The following KIAA0930 variants were observed in gnomAD, a reference collection of about 807,000 sequenced individuals.
The protein encoded by KIAA0930 is KIAA0930.
In KIAA0930, 24 loss-of-function variants were observed where a neutral mutation model predicts 43.9. The observed-to-expected ratio is 0.55, with a 90% CI of 0.40 to 0.77. The LOEUF is 0.77. KIAA0930 is among the 30% of genes least tolerant of loss of function. The pLI, the probability that KIAA0930 is intolerant of heterozygous loss-of-function variation, is 0.00. For missense variants in KIAA0930, 461 were observed against 574.2 expected (o/e 0.80, Z 2.02); for synonymous variants, 259 against 216.4 (o/e 1.20, Z -1.73).
At chr22:45,224,810 T>C (rs1225628668) in intron 1 of KIAA0930, among the ~76,000 whole-genome samples, 2 of 152,020 alleles carry the variant, frequency 1.3e-5, no homozygotes, top group African/African-American at 4.8e-5. Context: ...GGATCAGCCC[T>C]GAGGCTGAGG....
At position 45,195,290 on chromosome 22, in the gene KIAA0930, T is replaced by A. The variant is rs914903094; in HGVS notation, c.*1886A>T. On this transcript the variant is annotated 3_prime_UTR_variant, in exon 10 of 10. Transcript: ENST00000336156. ...GAGAACAGAGGGCGGGCCGCTGTGCTCCTCACAACCTGGACTGCCTCATCT... is the reference window on the plus strand; with the variant it reads ...GAGAACAGAGGGCGGGCCGCTGTGCACCTCACAACCTGGACTGCCTCATCT... The A allele has an allele frequency of 6.6e-6, 1 of 152,196 alleles. No homozygotes were observed. Among genetic ancestry groups the A allele is most frequent in the Admixed American group, 6.5e-5 (1 of 15,282 alleles). 9.4% of individuals were successfully genotyped at this position (152,196 alleles called of 1,614,324 possible).
chr22:45,204,420 T>C (rs955360371), intron 5 of KIAA0930, among the ~76,000 whole-genome samples: 1 of 152,202 alleles, frequency 6.6e-6, no homozygotes, highest in Non-Finnish European at 1.5e-5. Flanking sequence ...GGCCCCATCC[T>C]GCCACCTTCC....
chr22:45,209,134 G>A (rs968691481), intron 2 of KIAA0930, among the ~76,000 whole-genome samples: 1 of 152,152 alleles, frequency 6.6e-6, no homozygotes, highest in Non-Finnish European at 1.5e-5. Context: ...CCCTGACACT[G>A]CAGCTCCTGC....
intron 3 of KIAA0930, 23 bp downstream of exon 3, chr22:45,205,770 G>GGGGGGCCCC: frequency 5.3e-6 from 8 of 1,523,766 alleles, no homozygotes; most frequent in African/African-American, 1.4e-5. Context: ...CCAATCCGCA[G>GGGGGGCCCC]CCCCACCCAT....
chr22:45,200,423 CA>C (rs1386109963), intron 7 of KIAA0930, among the ~76,000 whole-genome samples: 2 of 152,174 alleles, frequency 1.3e-5, no homozygotes, highest in Non-Finnish European at 2.9e-5. Context: ...CTCCGTGAGA[CA>C]GGGGCTAGCG....
intron 2 of KIAA0930, among the ~76,000 whole-genome samples, chr22:45,209,269 C>T (rs2083670623): frequency 6.6e-6 from 1 of 152,118 alleles, no homozygotes; most frequent in African/African-American, 2.4e-5. Flanking sequence ...TTGCAGTGCG[C>T]AGGCGACTCC....
At chr22:45,234,230 T>G (rs981656922) in intron 1 of KIAA0930, among the ~76,000 whole-genome samples, 3 of 152,112 alleles carry the variant, frequency 2.0e-5, no homozygotes, top group Non-Finnish European at 2.9e-5. Context: ...GTGGGTGCCG[T>G]TGGGGAGCTG....
intron 1 of KIAA0930, among the ~76,000 whole-genome samples, chr22:45,234,999 CTTTTT>C (rs3215445): frequency 6.6e-6 from 1 of 151,306 alleles, no homozygotes; most frequent in African/African-American, 2.4e-5. Flanking sequence ...GTGCATGTGA[CTTTTT>C]TTTTAATTAG....
At position 45,193,002 on chromosome 22, in the gene KIAA0930, G is replaced by A. The variant is rs1156515724; in HGVS notation, c.*4174C>T. On this transcript the variant is annotated 3_prime_UTR_variant, in exon 10 of 10. Transcript: ENST00000336156. ...GTCACGTGGCACTCTGGCCACTGCT[G>A]AAGAGCTGCTCTCCCTCGAAGGGCA... The A allele has an allele frequency of 2.0e-5, 3 of 152,250 alleles. No individual in the cohort carries two copies. The highest frequency in any genetic ancestry group is 7.2e-5 in the African/African-American group (3 of 41,464). 9.4% of individuals were successfully genotyped at this position (152,250 alleles called of 1,614,324 possible). A position where few individuals can be genotyped will look rare whatever the true frequency, so the allele number is the denominator to read the frequency against.
At chr22:45,233,620 G>T (rs893300024) in intron 1 of KIAA0930, among the ~76,000 whole-genome samples, 1 of 152,128 alleles carries the variant, frequency 6.6e-6, no homozygotes, top group Admixed American at 6.5e-5. Flanking sequence ...TCACTAGGCT[G>T]ACTCACCAGG....
chr22:45,192,488 T>C lies in KIAA0930; in HGVS notation c.*4688A>G, dbSNP rs1012799090. ...GCTAAAATACATGTTGTAGAAGTCATAATTCATAGTGAAGAATCTCAACAG... is the reference window on the plus strand; with the variant it reads ...GCTAAAATACATGTTGTAGAAGTCACAATTCATAGTGAAGAATCTCAACAG... On this transcript the variant is annotated 3_prime_UTR_variant, in exon 10 of 10. Transcript: ENST00000336156. The C allele has an allele frequency of 2.2e-4, 33 of 152,234 alleles. No individual in the cohort carries two copies. Among genetic ancestry groups the C allele is most frequent in the African/African-American group, 8.0e-4 (33 of 41,454 alleles). The allele number at this position is 152,234 out of a possible 1,614,324, so 9.4% of individuals were successfully genotyped here.
intron 1 of KIAA0930, among the ~76,000 whole-genome samples, chr22:45,238,519 G>A (rs924782476): frequency 6.6e-6 from 1 of 152,202 alleles, no homozygotes; most frequent in African/African-American, 2.4e-5. Flanking sequence ...AGGACTGTGT[G>A]CCTGGGAGCT....
chr22:45,204,209 G>A (rs1032701172), intron 5 of KIAA0930, among the ~76,000 whole-genome samples: 1 of 152,160 alleles, frequency 6.6e-6, no homozygotes, highest in Non-Finnish European at 1.5e-5. Flanking sequence ...GGACGCTTAC[G>A]GAGACTCTGG....
In KIAA0930 at chr22:45,229,444, G is replaced by A. The variant is rs556516279; in HGVS notation, c.64+11196C>T. 9.3e-5 allele frequency among the ~76,000 whole-genome samples: 14 copies of A among 151,292 alleles called. 1 individual carries two copies. In the East Asian group the frequency reaches 2.8e-3, roughly 30 times the overall value. ...GCATCCGTCTCTGAGCTGGTGCGAG[G>A]GATGAAAAGTCAGAGCCGTGGAGGG... is the stretch of plus-strand genomic sequence containing the variant. On this transcript the variant is annotated intron_variant, in intron 1 of 9. Coordinates refer to ENST00000336156, the MANE Select transcript of KIAA0930 (RefSeq NM_001009880.2).
At chr22:45,215,503 C>G (rs1023150058) in intron 1 of KIAA0930, among the ~76,000 whole-genome samples, 1 of 152,162 alleles carries the variant, frequency 6.6e-6, no homozygotes, top group Non-Finnish European at 1.5e-5. Flanking sequence ...AATAATATAA[C>G]AGCAATAACC....
At chr22:45,206,888 A>G (rs898799500) in intron 2 of KIAA0930, among the ~76,000 whole-genome samples, 1 of 151,988 alleles carries the variant, frequency 6.6e-6, no homozygotes, top group Non-Finnish European at 1.5e-5. Flanking sequence ...TGGTAGAGAC[A>G]GGATTTCACC....
chr22:45,200,780 C>T (rs74772207), intron 7 of KIAA0930, among the ~76,000 whole-genome samples: 1,698 of 152,308 alleles, frequency 0.011, 19 homozygotes, highest in Non-Finnish European at 0.02. Flanking sequence ...GCTGGGGTGA[C>T]AGACTCAGAG....
intron 9 of KIAA0930, among the ~76,000 whole-genome samples, 168 bp from the exon 10 acceptor site, chr22:45,197,384 C>T (rs944402081): frequency 1.3e-5 from 2 of 152,220 alleles, no homozygotes; most frequent in East Asian, 1.9e-4. Context: ...CCTCACCCTG[C>T]AGACTGGGAA....
chr22:45,240,003 C>T (rs539122874), intron 1 of KIAA0930, among the ~76,000 whole-genome samples: 1 of 152,140 alleles, frequency 6.6e-6, no homozygotes, highest in Non-Finnish European at 1.5e-5. Flanking sequence ...CATCCCACGC[C>T]CCCCAGCAGA....
Sources: allele counts gnomAD v4.1 joint callset (sites outside exome capture counted in the v4.1 genomes callset), GRCh38; gene constraint gnomAD v4.1.1; transcripts MANE v1.5; gene names NCBI Gene and HGNC (gene_info 2026-07-23, HGNC 2026-07-21).